Variants in CA3 observed in about 807,000 individuals in gnomAD.
The protein encoded by CA3 is carbonic anhydrase 3.
A neutral mutation model predicts 35.7 loss-of-function variants in CA3; 30 were observed. That is an observed-to-expected ratio of 0.84 (90% CI 0.63 to 1.14). The LOEUF (loss-of-function observed/expected upper bound fraction) is 1.14, where lower values mean the gene tolerates loss of function less well. Ranked by LOEUF, CA3 falls within the 50% of genes most tolerant of loss-of-function variation. CA3 has a pLI of 0.00. For synonymous variants in CA3, 131 were observed against 130.8 expected (o/e 1.00, Z -0.01); for missense variants, 295 against 328.5 (o/e 0.90, Z 0.79).
In CA3 at chr8:85,438,976, G is replaced by T. The variant is rs1039433214; in HGVS notation, c.34+33G>T. 3 of 1,550,456 alleles carry T rather than the reference G, an allele frequency of 1.9e-6. No individual in the cohort carries two copies. The Admixed American group carries it at 5.9e-5, about 30-fold the overall frequency. ...CAGGCAGCCGCGACCCGGCCAGGAA[G>T]GGATGCCAGTCCAGGAGAGCCCTGC... On this transcript the variant is annotated intron_variant, in intron 1 of 6. Coordinates refer to ENST00000285381, the MANE Select transcript of CA3 (RefSeq NM_005181.4).
intron 1 of CA3, 89 bp downstream of exon 1, chr8:85,439,032 T>C (rs1398750727): frequency 7.7e-7 from 1 of 1,305,580 alleles, no homozygotes; most frequent in Non-Finnish European, 1.1e-6. Context: ...CTTTAGAGAC[T>C]GCAGTGGAAA....
At position 85,446,250 on chromosome 8, in the gene CA3, A is replaced by T; in HGVS notation, c.616A>T (p.Ile206Phe). The T allele has an allele frequency of 6.2e-7, 1 of 1,614,168 alleles. No individual in the cohort carries two copies. The change falls in exon 6 of 7, where the codon ATT (isoleucine) becomes TTT (phenylalanine). Residue 206 changes from isoleucine to phenylalanine, a missense_variant. Physicochemically the swap from Ile to Phe is conservative, Grantham distance 21. Coordinates refer to ENST00000285381, the MANE Select transcript of CA3 (RefSeq NM_005181.4). ...SFTTPPCEECIVWLLLKEPMT... is the reference protein window; with the variant it reads ...SFTTPPCEECFVWLLLKEPMT... ...CACCACGCCGCCCTGCGAGGAATGC[A>T]TTGTGTGGCTGCTGCTGAAGGAGCC...
At chr8:85,442,731 A>C (rs1201734826) in intron 3 of CA3, among the ~76,000 whole-genome samples, 2 of 152,134 alleles carry the variant, frequency 1.3e-5, no homozygotes, top group African/African-American at 4.8e-5. Flanking sequence ...AAAAACCCTA[A>C]AAGTTAGAAA....
chr8:85,446,547 T>A lies in CA3; in HGVS notation c.663+250T>A, dbSNP rs554505115. Among the ~76,000 whole-genome samples the A allele has an allele frequency of 1.1e-4, 17 of 152,308 alleles. No homozygotes were observed. The South Asian group carries it at 3.5e-3, about 32-fold the overall frequency. ...ATACCGAACATGACTGAGTTTATGC[T>A]CTATAAACACTTTAAAGGGTTTAGA... On this transcript the variant is annotated intron_variant, in intron 6 of 6. Transcript: ENST00000285381.
rs1811292418 is a variant in CA3 at position 85,446,416 on chromosome 8, A to G, written c.663+119A>G. On this transcript the variant is annotated intron_variant, in intron 6 of 6. Coordinates refer to ENST00000285381, the MANE Select transcript of CA3 (RefSeq NM_005181.4). ...CTCACTGAACAGCTCTATGGCCAGT[A>G]ATTTCATGGTCTGCCCTGGTTAATT... is the stretch of plus-strand genomic sequence containing the variant. The G allele has an allele frequency of 3.5e-6, 4 of 1,156,788 alleles. 1 individual carries two copies. In the South Asian group the frequency reaches 6.9e-5, roughly 20 times the overall value. The allele number at this position is 1,156,788 out of a possible 1,614,324, so 71.7% of individuals were successfully genotyped here.
chr8:85,443,926 G>A, intron 3 of CA3, 108 bp from the exon 4 acceptor site: 4 of 778,380 alleles, frequency 5.1e-6, no homozygotes, highest in Non-Finnish European at 8.8e-6. Context: ...TTTTATGAGA[G>A]TGCTCAGCAA....
rs1269875878 is a variant in CA3 at position 85,438,921 on chromosome 8, G to T, written c.12G>T (p.Glu4Asp). 1 of 1,551,214 alleles carries T rather than the reference G, an allele frequency of 6.4e-7. No homozygotes were observed. Residue 4 changes from glutamate (E) to aspartate (D), a missense_variant, in exon 1 of 7, where the codon GAG (glutamate) becomes GAT (aspartate). By Grantham distance (45) the Glu-to-Asp change is conservative. Coordinates refer to ENST00000285381, the MANE Select transcript of CA3 (RefSeq NM_005181.4). MAK[E>D]WGYASHNGPD... Reference sequence around the variant, plus strand: ...GGAGGAAGGCGACCATGGCCAAGGAGTGGGGCTACGCCAGTCACAACGGTG... The same window carrying T: ...GGAGGAAGGCGACCATGGCCAAGGATTGGGGCTACGCCAGTCACAACGGTG...
chr8:85,438,885 C>A lies in CA3; in HGVS notation c.-25C>A, dbSNP rs1282271096. ...CACGCAGGGGAAGAGAAAGCAGGAG[C>A]CGTCCAGCACGGAGGAAGGCGACCA... On this transcript the variant is annotated 5_prime_UTR_variant, in exon 1 of 7. Coordinates refer to ENST00000285381, the MANE Select transcript of CA3 (RefSeq NM_005181.4). The A allele has an allele frequency of 2.6e-6, 4 of 1,550,818 alleles. No individual in the cohort carries two copies. Among genetic ancestry groups the A allele is most frequent in the Non-Finnish European group, 3.5e-6 (4 of 1,146,936 alleles).
chr8:85,444,079 G>T lies in CA3; in HGVS notation c.397G>T (p.Ala133Ser). The T allele has an allele frequency of 1.2e-6, 2 of 1,613,930 alleles. No individual in the cohort carries two copies. Among genetic ancestry groups the T allele is most frequent in the Non-Finnish European group, 1.7e-6 (2 of 1,179,790 alleles). The change falls in exon 4 of 7, where the codon GCC (alanine) becomes TCC (serine). Residue 133 changes from alanine (A) to serine (S), a missense_variant. Physicochemically the swap from Ala to Ser is moderately conservative, Grantham distance 99. Transcript: ENST00000285381. ...CCCGAAGTATAACACTTTTAAAGAA[G>T]CCCTGAAGCAGCGCGATGGGATCGC... The part of the protein sequence containing the change: ...WNPKYNTFKE[A>S]LKQRDGIAVI...
chr8:85,444,820 A>G (rs1198616884), intron 4 of CA3, among the ~76,000 whole-genome samples: 5 of 152,198 alleles, frequency 3.3e-5, no homozygotes, highest in African/African-American at 1.2e-4. Context: ...GAAGAAAGAC[A>G]ATGAGTTTAG....
intron 6 of CA3, 138 bp downstream of exon 6, chr8:85,446,435 G>A: frequency 2.0e-6 from 2 of 999,684 alleles, no homozygotes; most frequent in Non-Finnish European, 2.8e-6. Flanking sequence ...GTCTGCCCTG[G>A]TTAATTACAA....
intron 1 of CA3, 36 bp downstream of exon 1, chr8:85,438,979 A>T: frequency 6.5e-7 from 1 of 1,549,960 alleles, no homozygotes; most frequent in Non-Finnish European, 8.7e-7. Flanking sequence ...CCAGGAAGGG[A>T]TGCCAGTCCA....
At chr8:85,443,139 G>C (rs1013599787) in intron 3 of CA3, among the ~76,000 whole-genome samples, 3 of 152,052 alleles carry the variant, frequency 2.0e-5, no homozygotes, top group African/African-American at 7.3e-5. Flanking sequence ...CACACACGTA[G>C]AGATATGTGT....
intron 3 of CA3, among the ~76,000 whole-genome samples, chr8:85,443,363 A>AGAT: frequency 6.6e-6 from 1 of 152,340 alleles, no homozygotes; most frequent in Non-Finnish European, 1.5e-5. Flanking sequence ...TCTTTTCCAA[A>AGAT]GATAGGCTCT....
intron 2 of CA3, among the ~76,000 whole-genome samples, chr8:85,440,691 CT>C (rs2130499988): frequency 6.6e-6 from 1 of 152,122 alleles, no homozygotes; most frequent in African/African-American, 2.4e-5. Flanking sequence ...AAAATAATTC[CT>C]TATAGCCCCA....
At chr8:85,442,682 C>T (rs1428830316) in intron 3 of CA3, among the ~76,000 whole-genome samples, 1 of 152,122 alleles carries the variant, frequency 6.6e-6, no homozygotes, top group African/African-American at 2.4e-5. Context: ...CACTTCACTC[C>T]AGCCTGAGCA....
In CA3 at chr8:85,448,310, T is replaced by C. The variant is rs1811322068; in HGVS notation, c.*157T>C. On this transcript the variant is annotated 3_prime_UTR_variant, in exon 7 of 7. Transcript: ENST00000285381. Reference sequence around the variant, plus strand: ...GGTCACCAAGATCTAAGTTACTTGTTGAAAGAAAGTTACTTTCGACAAGAT... The same window carrying C: ...GGTCACCAAGATCTAAGTTACTTGTCGAAAGAAAGTTACTTTCGACAAGAT... 3.2e-6 allele frequency: 2 copies of C among 619,362 alleles called. No individual in the cohort carries two copies. The highest frequency in any genetic ancestry group is 5.0e-6 in the Non-Finnish European group (2 of 399,398). The allele number at this position is 619,362 out of a possible 1,614,324, so 38.4% of individuals were successfully genotyped here. A position where few individuals can be genotyped will look rare whatever the true frequency, so the allele number is the denominator to read the frequency against.
chr8:85,443,774 T>A (rs1811239733), intron 3 of CA3, among the ~76,000 whole-genome samples: 1 of 152,216 alleles, frequency 6.6e-6, no homozygotes, highest in African/African-American at 2.4e-5. Context: ...GTGCTCATGT[T>A]CTAAATTAAG....
rs907465884 is a variant in CA3, at chr8:85,441,141, G to A, written c.233-932G>A. On this transcript the variant is annotated intron_variant, in intron 2 of 6. Coordinates refer to ENST00000285381, the MANE Select transcript of CA3 (RefSeq NM_005181.4). ...TCATTGTTTGAGGTCTATATTTATG[G>A]CTTTCCCTGGGCCACTTAGTGTGGG... Among the ~76,000 whole-genome samples, 105 of 152,130 alleles carry A rather than the reference G, an allele frequency of 6.9e-4. 4 individuals carry two copies.
Sources: gnomAD v4.1 joint callset for allele counts (sites outside exome capture counted in the v4.1 genomes callset) on GRCh38, gnomAD v4.1.1 for gene constraint, MANE v1.5 for transcripts, NCBI Gene and HGNC (gene_info 2026-07-23, HGNC 2026-07-21) for gene names.